ELMO1: variants seen among roughly 807,000 people sequenced by gnomAD.
ELMO1 encodes engulfment and cell motility protein 1.
A neutral mutation model predicts 98.9 loss-of-function variants in ELMO1; 26 were observed. The ratio of observed to expected loss-of-function variants is 0.26; its 90% CI spans 0.19 to 0.36. ELMO1 has a LOEUF of 0.36. Among genes scored for constraint, ELMO1 ranks in the 10% least tolerant of loss-of-function variants. The pLI is 1.00. For synonymous variants in ELMO1, 346 were observed against 346.0 expected, an observed-to-expected ratio of 1.00 and a Z score of 0.00; for missense variants, 627 against 935.2, an observed-to-expected ratio of 0.67 and a Z score of 4.30.
At chr7:36,967,502 G>A (rs957385388) in intron 16 of ELMO1, among the ~76,000 whole-genome samples, 10 of 152,156 alleles carry the variant, frequency 6.6e-5, no homozygotes, top group Non-Finnish European at 1.0e-4. Flanking sequence ...CTGTTAAATT[G>A]CCACTAGGGG....
At position 37,224,959 on chromosome 7, in the gene ELMO1, C is replaced by T. The variant is rs148167670; in HGVS notation, c.621G>A (p.Ser207=). ...ILQRSLAILE[S]MVLNSHDLYQ... is the part of the protein sequence containing the mutation. Reference sequence around the variant, plus strand: ...AGAGGTCATGGCTATTGAGCACCATCGACTCCAAAATGGCCAAGGACCGCT... The same window carrying T: ...AGAGGTCATGGCTATTGAGCACCATTGACTCCAAAATGGCCAAGGACCGCT... Residue 207 remains serine, a synonymous_variant, in exon 9 of 22, where the codon TCG becomes TCA. Transcript: ENST00000310758. 61 of 1,614,070 alleles carry T rather than the reference C, an allele frequency of 3.8e-5. No homozygotes were observed. Among genetic ancestry groups the T allele is most frequent in the Middle Eastern group, 1.7e-4 (1 of 6,060 alleles).
At chr7:37,039,127 A>AT (rs1447143114) in intron 15 of ELMO1, among the ~76,000 whole-genome samples, 51 of 152,224 alleles carry the variant, frequency 3.4e-4, no homozygotes, top group African/African-American at 1.2e-3. Context: ...CACTGCTCCA[A>AT]TTTTTAAAAA....
Position 37,222,667 on chromosome 7 carries a change from G to A in ELMO1, c.728C>T (p.Thr243Ile). 6.2e-7 allele frequency: 1 copy of A among 1,614,016 alleles called. No individual in the cohort carries two copies. Reference protein sequence around the residue: ...QGSDQEIQTYTIAVINALFLK... With the variant: ...QGSDQEIQTYIIAVINALFLK... ...GAAAAGCGCATTAATCACTGCAATA[G>A]TATAGGTTTGGATTTCTTGATCTGA... is the stretch of plus-strand genomic sequence containing the variant. The change falls in exon 10 of 22, where the codon ACT (threonine) becomes ATT (isoleucine). Residue 243 changes from threonine (T) to isoleucine (I), a missense_variant. Physicochemically the swap from Thr to Ile is moderately conservative, Grantham distance 89 (BLOSUM62 -1). Coordinates refer to ENST00000310758, the MANE Select transcript of ELMO1 (RefSeq NM_014800.11).
chr7:37,274,569 C>G (rs1215536058), intron 4 of ELMO1, among the ~76,000 whole-genome samples: 1 of 151,704 alleles, frequency 6.6e-6, no homozygotes, highest in Non-Finnish European at 1.5e-5. Flanking sequence ...TTTTTTTTTT[C>G]CCAGAAGGAG....
At chr7:36,941,738 G>A (rs1986858) in intron 16 of ELMO1, among the ~76,000 whole-genome samples, 33,382 of 152,098 alleles carry the variant, frequency 0.22, 3,912 homozygotes, top group South Asian at 0.36. Flanking sequence ...GACCAGTCCT[G>A]GGCAAATGGC....
At chr7:37,444,809 C>T (rs1015084258) in intron 1 of ELMO1, among the ~76,000 whole-genome samples, 11 of 152,310 alleles carry the variant, frequency 7.2e-5, no homozygotes, top group African/African-American at 2.2e-4. Flanking sequence ...CCACCGCGCC[C>T]GGCCAATAGT....
chr7:37,376,978 T>A (rs1802376099), intron 1 of ELMO1, among the ~76,000 whole-genome samples: 1 of 152,210 alleles, frequency 6.6e-6, no homozygotes, highest in South Asian at 2.1e-4. Flanking sequence ...AGTTATATCC[T>A]GTTAAGTTGA....
At chr7:37,314,956 T>C (rs754728056) in intron 3 of ELMO1, 34 bp from the exon 4 acceptor site, 2 of 1,585,940 alleles carry the variant, frequency 1.3e-6, no homozygotes, top group Non-Finnish European at 1.7e-6. Flanking sequence ...ATTAGAAAAA[T>C]GAAAGTGGCC....
chr7:37,384,995 C>G (rs1802736275), intron 1 of ELMO1, among the ~76,000 whole-genome samples: 1 of 152,174 alleles, frequency 6.6e-6, no homozygotes, highest in Non-Finnish European at 1.5e-5. Context: ...AGTATATATT[C>G]CATACTTTGC....
intron 4 of ELMO1, among the ~76,000 whole-genome samples, chr7:37,282,771 C>T (rs1414531566): frequency 3.3e-5 from 5 of 152,336 alleles, no homozygotes; most frequent in East Asian, 3.9e-4. Context: ...AGCCCCGCCA[C>T]CCCATTAGAG....
intron 1 of ELMO1, among the ~76,000 whole-genome samples, chr7:37,402,193 A>G (rs1288796423): frequency 6.6e-6 from 1 of 152,176 alleles, no homozygotes; most frequent in Non-Finnish European, 1.5e-5. Flanking sequence ...CCTCCCCTAC[A>G]GCAACAAAAA....
At chr7:37,284,015 G>A (rs1797271717) in intron 4 of ELMO1, among the ~76,000 whole-genome samples, 2 of 151,910 alleles carry the variant, frequency 1.3e-5, no homozygotes, top group Admixed American at 6.5e-5. Context: ...GAGATAGTGT[G>A]AGCACTAGGG....
intron 16 of ELMO1, among the ~76,000 whole-genome samples, chr7:37,007,802 T>G (rs1426446822): frequency 1.3e-5 from 2 of 152,200 alleles, no homozygotes; most frequent in African/African-American, 2.4e-5. Flanking sequence ...ATAATCTTCA[T>G]AGGAGATTTC....
chr7:37,421,904 C>G (rs79483315), intron 1 of ELMO1, among the ~76,000 whole-genome samples: 6,977 of 152,196 alleles, frequency 0.046, 223 homozygotes, highest in Admixed American at 0.066. Context: ...GAAGCTGGGG[C>G]CAAAAGTGAT....
chr7:36,999,650 T>C (rs141275114), intron 16 of ELMO1, among the ~76,000 whole-genome samples: 9 of 152,324 alleles, frequency 5.9e-5, no homozygotes, highest in African/African-American at 1.7e-4. Context: ...TAAATGCTTA[T>C]GGGTAAATAC....
intron 14 of ELMO1, among the ~76,000 whole-genome samples, chr7:37,114,081 G>C (rs79998136): frequency 1.2e-4 from 18 of 152,350 alleles, no homozygotes; most frequent in Non-Finnish European, 1.9e-4. Context: ...GAACACTGCA[G>C]AGCCTTGAGA....
intron 14 of ELMO1, among the ~76,000 whole-genome samples, chr7:37,109,640 CT>C (rs1401215231): frequency 6.6e-6 from 1 of 152,164 alleles, no homozygotes; most frequent in Non-Finnish European, 1.5e-5. Context: ...GAAAAGGAAA[CT>C]GACTCGTGTT....
chr7:36,894,845 G>C lies in ELMO1; in HGVS notation c.1601+9C>G, dbSNP rs1227792522. On this transcript the variant is annotated intron_variant, in intron 17 of 21. Transcript: ENST00000310758. ...TTTGGGAGATAGAAGTCAATACTAGGTAACTTACAAAATCGGGCGGGACTG... is the reference window on the plus strand; with the variant it reads ...TTTGGGAGATAGAAGTCAATACTAGCTAACTTACAAAATCGGGCGGGACTG... 3 of 1,613,984 alleles carry C rather than the reference G, an allele frequency of 1.9e-6. No individual in the cohort carries two copies. The South Asian group carries it at 3.3e-5, about 18-fold the overall frequency.
chr7:37,263,869 C>G (rs1796109116), intron 5 of ELMO1, among the ~76,000 whole-genome samples: 1 of 152,080 alleles, frequency 6.6e-6, no homozygotes, highest in Admixed American at 6.6e-5. Context: ...CTGAAGGAGT[C>G]CCTGGTGGTG....
Sources: allele counts gnomAD v4.1 joint callset (sites outside exome capture counted in the v4.1 genomes callset), GRCh38; gene constraint gnomAD v4.1.1; transcripts MANE v1.5; gene names NCBI Gene and HGNC (gene_info 2026-07-23, HGNC 2026-07-21).